The following RBFOX1 variants were observed in gnomAD, a reference collection of about 807,000 sequenced individuals.
The protein encoded by RBFOX1 is RNA binding fox-1 homolog 1.
In RBFOX1, 8 loss-of-function variants were observed where a neutral mutation model predicts 57.7. That is an observed-to-expected ratio of 0.14 (90% CI 0.08 to 0.25). The LOEUF is 0.25. Ranked by LOEUF, RBFOX1 falls within the 10% of genes least tolerant of loss-of-function variation. The probability of loss-of-function intolerance (pLI) is 1.00; values close to 1 mark genes in which losing one functional copy is unlikely to be tolerated. For missense variants in RBFOX1, 611 were observed against 548.5 expected (o/e 1.11, Z -1.14); for synonymous variants, 326 against 222.4 (o/e 1.47, Z -4.15).
chr16:7,295,647 A>G (rs1161103923), intron 4 of RBFOX1, among the ~76,000 whole-genome samples: 1 of 151,986 alleles, frequency 6.6e-6, no homozygotes, highest in African/African-American at 2.4e-5. Flanking sequence ...AAGACTCCAA[A>G]AGGTGTACTG....
At chr16:5,962,614 C>G (rs1299686226) in intron 4 of RBFOX1, among the ~76,000 whole-genome samples, 1 of 152,130 alleles carries the variant, frequency 6.6e-6, no homozygotes, top group African/African-American at 2.4e-5. Context: ...GTCATTCATT[C>G]ACTGAGCAAA....
intron 2 of RBFOX1, among the ~76,000 whole-genome samples, chr16:6,394,244 G>C (rs1408226322): frequency 6.6e-6 from 1 of 152,170 alleles, no homozygotes; most frequent in Non-Finnish European, 1.5e-5. Flanking sequence ...GTGTTTGTTT[G>C]CTCATCTGAA....
At chr16:6,199,160 A>G (rs2097199488) in intron 1 of RBFOX1, among the ~76,000 whole-genome samples, 1 of 152,216 alleles carries the variant, frequency 6.6e-6, no homozygotes, top group African/African-American at 2.4e-5. Flanking sequence ...CTTTTTGAAC[A>G]AAGTTTCATC....
intron 4 of RBFOX1, among the ~76,000 whole-genome samples, chr16:7,316,049 A>G (rs1466137949): frequency 1.3e-5 from 2 of 152,172 alleles, no homozygotes; most frequent in Non-Finnish European, 2.9e-5. Flanking sequence ...CTTTATTCTG[A>G]TAGTTCTTCC....
intron 3 of RBFOX1, among the ~76,000 whole-genome samples, chr16:5,813,821 T>G (rs1267600003): frequency 6.6e-6 from 1 of 152,240 alleles, no homozygotes; most frequent in African/African-American, 2.4e-5. Context: ...TTTTAGTGAT[T>G]TATTCTGACT....
intron 1 of RBFOX1, among the ~76,000 whole-genome samples, chr16:5,242,048 C>T (rs2062181356): frequency 6.6e-6 from 1 of 151,938 alleles, no homozygotes; most frequent in Non-Finnish European, 1.5e-5. Flanking sequence ...CTGGAAGGTC[C>T]AGCTGCAGTG....
At chr16:5,264,429 G>A (rs2062810271) in intron 1 of RBFOX1, among the ~76,000 whole-genome samples, 1 of 152,078 alleles carries the variant, frequency 6.6e-6, no homozygotes, top group South Asian at 2.1e-4. Context: ...GTGTTCTTTG[G>A]ACCGTCTGTA....
At chr16:5,392,168 A>T (rs2066429402) in intron 1 of RBFOX1, among the ~76,000 whole-genome samples, 1 of 152,098 alleles carries the variant, frequency 6.6e-6, no homozygotes, top group African/African-American at 2.4e-5. Context: ...AAAAGACTAC[A>T]AATTGGGTTC....
At chr16:5,458,016 T>A (rs1239962192) in intron 1 of RBFOX1, among the ~76,000 whole-genome samples, 1 of 152,110 alleles carries the variant, frequency 6.6e-6, no homozygotes, top group Non-Finnish European at 1.5e-5. Context: ...TTTGCTGTCT[T>A]GGGGGTAGAA....
At chr16:6,814,143 C>T (rs1436167947) in intron 3 of RBFOX1, among the ~76,000 whole-genome samples, 2 of 151,502 alleles carry the variant, frequency 1.3e-5, no homozygotes, top group South Asian at 2.1e-4. Context: ...ACTCCTAGAA[C>T]AACAACACAC....
In RBFOX1 at chr16:6,634,682, A is replaced by G. The variant is rs1017520625; in HGVS notation, c.-63-19921A>G. On this transcript the variant is annotated intron_variant, in intron 2 of 15. Coordinates refer to ENST00000550418, the MANE Select transcript of RBFOX1 (RefSeq NM_018723.4). ...TATATGTATATATGTAAATATGTACATATATAATACAAAGATACATATTTG... is the reference window on the plus strand; with the variant it reads ...TATATGTATATATGTAAATATGTACGTATATAATACAAAGATACATATTTG... Among the ~76,000 whole-genome samples, 3 of 145,486 alleles carry G rather than the reference A, an allele frequency of 2.1e-5. No homozygotes were observed. In the East Asian group the frequency reaches 5.9e-4, roughly 29 times the overall value.
intron 3 of RBFOX1, among the ~76,000 whole-genome samples, chr16:5,711,887 A>G (rs1469958372): frequency 6.6e-6 from 1 of 152,228 alleles, no homozygotes; most frequent in Non-Finnish European, 1.5e-5. Context: ...TTGAGTGCTT[A>G]TTTAGGACCA....
At chr16:6,737,507 C>T (rs575350309) in intron 3 of RBFOX1, among the ~76,000 whole-genome samples, 4 of 152,308 alleles carry the variant, frequency 2.6e-5, no homozygotes, top group African/African-American at 7.2e-5. Context: ...ACAGCTACTA[C>T]GTGGTGGCTA....
intron 2 of RBFOX1, among the ~76,000 whole-genome samples, chr16:6,479,467 A>C (rs1214881605): frequency 1.3e-5 from 2 of 152,026 alleles, no homozygotes; most frequent in Non-Finnish European, 2.9e-5. Context: ...ACACACCTGT[A>C]GTCCCAGCTA....
At chr16:6,228,453 A>G (rs550116054) in intron 1 of RBFOX1, among the ~76,000 whole-genome samples, 1 of 152,282 alleles carries the variant, frequency 6.6e-6, no homozygotes, top group South Asian at 2.1e-4. Flanking sequence ...ACACATACAT[A>G]TACATGCCAT....
rs61247347 is a variant in RBFOX1, at chr16:6,193,356, TTATATA to T, written c.-126-123624_-126-123619del. ...TCCATATTCTTTACATATATATACA[TTATATA>T]TATATATATATATACATTATATATA... is the stretch of plus-strand genomic sequence containing the variant. On this transcript the variant is annotated intron_variant, in intron 1 of 15. Transcript: ENST00000550418. 6.0e-4 allele frequency among the ~76,000 whole-genome samples: 39 copies of T among 64,594 alleles called. 2 individuals carry two copies. The highest frequency in any genetic ancestry group is 5.3e-3 in the East Asian group (16 of 3,028). The allele number at this position is 64,594 out of a possible 152,430, so 42.4% of individuals were successfully genotyped here.
intron 4 of RBFOX1, among the ~76,000 whole-genome samples, chr16:7,093,945 G>C (rs527297575): frequency 3.3e-5 from 5 of 151,536 alleles, no homozygotes; most frequent in Admixed American, 3.3e-4. Flanking sequence ...TATATAAGGC[G>C]TATATAATTT....
intron 3 of RBFOX1, chr16:6,723,796 T>A (rs773704316): frequency 1.1e-4 from 16 of 151,132 alleles, no homozygotes; most frequent in Non-Finnish European, 2.4e-4. Flanking sequence ...TTCTGGAGAG[T>A]CTTCCAGCTA....
chr16:5,467,821 G>A (rs933391979), intron 2 of RBFOX1, among the ~76,000 whole-genome samples: 1 of 152,224 alleles, frequency 6.6e-6, no homozygotes, highest in Non-Finnish European at 1.5e-5. Context: ...CCTCCACGAT[G>A]TTGTATCCAC....
Sources: gnomAD v4.1 joint callset for allele counts (sites outside exome capture counted in the v4.1 genomes callset) on GRCh38, gnomAD v4.1.1 for gene constraint, MANE v1.5 for transcripts, NCBI Gene and HGNC (gene_info 2026-07-23, HGNC 2026-07-21) for gene names.